AKAP19: variants seen among roughly 807,000 people sequenced by gnomAD.
AKAP19 encodes A-kinase anchoring protein 19, also known as small A-kinase anchoring protein.
the AKAP19 span, among the ~76,000 whole-genome samples, chr2:190,057,821 A>G: frequency 6.6e-6 from 1 of 152,088 alleles, no homozygotes; most frequent in Admixed American, 6.6e-5. Context: ...CTTATGTCTC[A>G]AAAGAATTTA....
the AKAP19 span, among the ~76,000 whole-genome samples, chr2:189,923,008 G>T: frequency 6.6e-6 from 1 of 152,078 alleles, no homozygotes; most frequent in African/African-American, 2.4e-5. Flanking sequence ...AAAATTAGCC[G>T]GGTATGGCAG....
At chr2:190,077,275 T>A in the AKAP19 span, among the ~76,000 whole-genome samples, 1 of 151,964 alleles carries the variant, frequency 6.6e-6, no homozygotes, top group Non-Finnish European at 1.5e-5. Context: ...AGTAGCATGA[T>A]CTTGGCTCAC....
chr2:190,117,217 A>G, the AKAP19 span, among the ~76,000 whole-genome samples: 1 of 152,228 alleles, frequency 6.6e-6, no homozygotes. Flanking sequence ...TTTCTTAAAG[A>G]GAAAAATAAA....
the AKAP19 span, among the ~76,000 whole-genome samples, chr2:189,981,361 T>A: frequency 6.6e-6 from 1 of 152,000 alleles, no homozygotes. Context: ...ATATGACAGA[T>A]CTTTCTCCAT....
At chr2:189,977,005 C>T in the AKAP19 span, among the ~76,000 whole-genome samples, 1 of 152,142 alleles carries the variant, frequency 6.6e-6, no homozygotes, top group Non-Finnish European at 1.5e-5. Context: ...GTCCAACAAG[C>T]CCCAGTGAGA....
chr2:189,925,707 T>C, the AKAP19 span, among the ~76,000 whole-genome samples: 1 of 152,062 alleles, frequency 6.6e-6, no homozygotes. Flanking sequence ...AACCCAAGGT[T>C]AGGGTATAAG....
At chr2:190,040,145 G>A in the AKAP19 span, among the ~76,000 whole-genome samples, 247 of 152,300 alleles carry the variant, frequency 1.6e-3, no homozygotes, top group Middle Eastern at 3.4e-3. Flanking sequence ...CACCAACGGC[G>A]TATAAGTGTT....
chr2:190,062,253 G>A, the AKAP19 span: 99 of 1,612,998 alleles, frequency 6.1e-5, no homozygotes, highest in Middle Eastern at 6.6e-4. Context: ...GATTGTTTCC[G>A]TTGTAGCGTG....
chr2:190,116,830 T>C, the AKAP19 span, among the ~76,000 whole-genome samples: 3 of 152,234 alleles, frequency 2.0e-5, no homozygotes, highest in Non-Finnish European at 2.9e-5. Flanking sequence ...TTTCTAGGAA[T>C]GTATTTAGGC....
chr2:189,890,705 G>T, the AKAP19 span, among the ~76,000 whole-genome samples: 1 of 151,992 alleles, frequency 6.6e-6, no homozygotes, highest in African/African-American at 2.4e-5. Context: ...ATCTTTGTTA[G>T]TTGAAAGTCT....
At chr2:190,043,347 G>A in the AKAP19 span, among the ~76,000 whole-genome samples, 2 of 151,930 alleles carry the variant, frequency 1.3e-5, no homozygotes, top group Admixed American at 1.3e-4. Flanking sequence ...CATAGATTTG[G>A]CCCCTTTACA....
At chr2:190,105,169 C>T in the AKAP19 span, among the ~76,000 whole-genome samples, 2 of 152,110 alleles carry the variant, frequency 1.3e-5, no homozygotes, top group Non-Finnish European at 2.9e-5. Context: ...ACCAAAAAGA[C>T]ACATATACTC....
chr2:189,979,125 G>A, the AKAP19 span, among the ~76,000 whole-genome samples: 1 of 151,034 alleles, frequency 6.6e-6, no homozygotes, highest in African/African-American at 2.4e-5. Flanking sequence ...AATAGCCAAA[G>A]CAAATCTAAG....
At chr2:190,171,105 A>C in the AKAP19 span, among the ~76,000 whole-genome samples, 10 of 152,128 alleles carry the variant, frequency 6.6e-5, no homozygotes, top group Non-Finnish European at 1.5e-4. Context: ...TCTTAGAAAG[A>C]CCTCTAGGAA....
chr2:190,118,796 G>C, the AKAP19 span, among the ~76,000 whole-genome samples: 1 of 152,174 alleles, frequency 6.6e-6, no homozygotes, highest in African/African-American at 2.4e-5. Context: ...CATTCCCTTT[G>C]AAAACAGGCA....
At chr2:190,025,589 G>A in the AKAP19 span, among the ~76,000 whole-genome samples, 16 of 152,180 alleles carry the variant, frequency 1.1e-4, no homozygotes, top group Non-Finnish European at 1.6e-4. Context: ...AAGCTTTAGA[G>A]CTGAGCCCAT....
chr2:189,944,679 C>T, the AKAP19 span, among the ~76,000 whole-genome samples: 6 of 152,096 alleles, frequency 3.9e-5, no homozygotes, highest in East Asian at 3.8e-4. Context: ...CTATCATTAA[C>T]GAACAGATCA....
At chr2:189,924,956 C>T in the AKAP19 span, among the ~76,000 whole-genome samples, 4,892 of 152,100 alleles carry the variant, frequency 0.032, 132 homozygotes, top group Admixed American at 0.056. Flanking sequence ...TAACCATGAG[C>T]TCAATGTTAG....
At chr2:190,139,065 C>T in the AKAP19 span, among the ~76,000 whole-genome samples, 2 of 152,208 alleles carry the variant, frequency 1.3e-5, no homozygotes, top group Non-Finnish European at 2.9e-5. Flanking sequence ...ATAATTCCTA[C>T]TCTCATGAAG....
Sources: gnomAD v4.1 joint callset for allele counts (sites outside exome capture counted in the v4.1 genomes callset) on GRCh38, gnomAD v4.1.1 for gene constraint, MANE v1.5 for transcripts, NCBI Gene and HGNC (gene_info 2026-07-23, HGNC 2026-07-21) for gene names.